SH3GL2: variants seen among roughly 807,000 people sequenced by gnomAD.
SH3GL2 encodes the protein SH3 domain containing GRB2 like 2, endophilin A1.
A neutral mutation model predicts 46.0 loss-of-function variants in SH3GL2; 24 were observed. The observed-to-expected ratio is 0.52, with a 90% CI of 0.38 to 0.73. The LOEUF is 0.73. Among genes scored for constraint, SH3GL2 ranks in the 30% least tolerant of loss-of-function variants. The pLI, the probability that SH3GL2 is intolerant of heterozygous loss-of-function variation, is 0.00. For synonymous variants in SH3GL2, 196 were observed against 147.1 expected, an observed-to-expected ratio of 1.33 and a Z score of -2.40; for missense variants, 413 against 424.2, an observed-to-expected ratio of 0.97 and a Z score of 0.23.
chr9:17,675,165 T>C (rs1264227986), intron 1 of SH3GL2, among the ~76,000 whole-genome samples: 2 of 152,204 alleles, frequency 1.3e-5, no homozygotes, highest in Non-Finnish European at 2.9e-5. Context: ...TATGTCTTAT[T>C]TCCTTCCTTA....
At chr9:17,682,453 A>G (rs1820796801) in intron 1 of SH3GL2, among the ~76,000 whole-genome samples, 1 of 152,080 alleles carries the variant, frequency 6.6e-6, no homozygotes, top group Non-Finnish European at 1.5e-5. Context: ...GCAAACTCAC[A>G]CAGGAACAGA....
chr9:17,760,308 C>T (rs1353072128), intron 2 of SH3GL2, among the ~76,000 whole-genome samples: 2 of 151,916 alleles, frequency 1.3e-5, no homozygotes, highest in Non-Finnish European at 2.9e-5. Context: ...AATATGACTG[C>T]CATGGAATGA....
At chr9:17,721,327 A>T (rs994218609) in intron 1 of SH3GL2, among the ~76,000 whole-genome samples, 1 of 152,132 alleles carries the variant, frequency 6.6e-6, no homozygotes, top group African/African-American at 2.4e-5. Flanking sequence ...ATAAACGAAC[A>T]AAAGGAAATT....
At chr9:17,619,008 G>C (rs746621254) in intron 1 of SH3GL2, among the ~76,000 whole-genome samples, 12 of 152,100 alleles carry the variant, frequency 7.9e-5, no homozygotes, top group Non-Finnish European at 1.5e-4. Context: ...AAAAGTTTAA[G>C]TACAAAAAAG....
At chr9:17,771,362 G>A (rs1823475331) in intron 3 of SH3GL2, among the ~76,000 whole-genome samples, 1 of 152,186 alleles carries the variant, frequency 6.6e-6, no homozygotes, top group African/African-American at 2.4e-5. Context: ...ACACTTAGTA[G>A]GGACTCAAGA....
chr9:17,756,746 TC>T (rs1229240950), intron 2 of SH3GL2, among the ~76,000 whole-genome samples: 1 of 152,092 alleles, frequency 6.6e-6, no homozygotes, highest in Non-Finnish European at 1.5e-5. Flanking sequence ...TTGGGTTGGT[TC>T]CAAGTCTTTG....
intron 1 of SH3GL2, among the ~76,000 whole-genome samples, chr9:17,619,037 A>G (rs1049466941): frequency 5.3e-5 from 8 of 152,302 alleles, no homozygotes; most frequent in South Asian, 2.1e-4. Context: ...TTATCAACCA[A>G]CTGTATGGTA....
At chr9:17,652,560 C>G (rs147343816) in intron 1 of SH3GL2, among the ~76,000 whole-genome samples, 2 of 152,176 alleles carry the variant, frequency 1.3e-5, no homozygotes, top group Admixed American at 6.5e-5. Context: ...AGTGTATTTA[C>G]ATTTTCTCTG....
At chr9:17,672,648 C>A (rs1820502995) in intron 1 of SH3GL2, among the ~76,000 whole-genome samples, 1 of 152,042 alleles carries the variant, frequency 6.6e-6, no homozygotes, top group Non-Finnish European at 1.5e-5. Context: ...CCCCCTTCAC[C>A]CAATACAGAG....
At chr9:17,785,165 C>T (rs1392597008) in intron 3 of SH3GL2, among the ~76,000 whole-genome samples, 2 of 152,176 alleles carry the variant, frequency 1.3e-5, no homozygotes, top group African/African-American at 4.8e-5. Context: ...CTTAAAGATA[C>T]TTCCCTCCAG....
chr9:17,601,000 C>G (rs1027977382), intron 1 of SH3GL2, among the ~76,000 whole-genome samples: 1 of 152,276 alleles, frequency 6.6e-6, no homozygotes, highest in African/African-American at 2.4e-5. Flanking sequence ...AGCTCAGTGA[C>G]AATCACTGTG....
intron 7 of SH3GL2, 44 bp downstream of exon 7, chr9:17,791,378 A>G (rs1479947898): frequency 7.2e-6 from 9 of 1,253,620 alleles, no homozygotes; most frequent in Non-Finnish European, 1.1e-5. Flanking sequence ...TTTTATTGCT[A>G]TAAAATGATG....
intron 1 of SH3GL2, among the ~76,000 whole-genome samples, chr9:17,661,865 A>C (rs895355813): frequency 6.6e-5 from 10 of 152,170 alleles, no homozygotes; most frequent in African/African-American, 2.4e-4. Flanking sequence ...AATGAGCCTC[A>C]CTTTCATTGA....
chr9:17,579,140 A>T lies in SH3GL2; in HGVS notation c.-103A>T. ...TCGCGCCCATAGCCCCGGCGGCGGCACGACCAGAGGCGGCCAGGGGAGCGC... is the reference window on the plus strand; with the variant it reads ...TCGCGCCCATAGCCCCGGCGGCGGCTCGACCAGAGGCGGCCAGGGGAGCGC... On this transcript the variant is annotated 5_prime_UTR_variant, in exon 1 of 9. Coordinates refer to ENST00000380607, the MANE Select transcript of SH3GL2 (RefSeq NM_003026.5). 1.3e-6 allele frequency: 1 copy of T among 747,054 alleles called. No homozygotes were observed. The highest frequency in any genetic ancestry group is 2.0e-6 in the Non-Finnish European group (1 of 505,976). The allele number at this position is 747,054 out of a possible 1,614,324, so 46.3% of individuals were successfully genotyped here.
At chr9:17,646,941 C>T (rs1277262453) in intron 1 of SH3GL2, among the ~76,000 whole-genome samples, 1 of 152,180 alleles carries the variant, frequency 6.6e-6, no homozygotes, top group Non-Finnish European at 1.5e-5. Flanking sequence ...AGCCGGCAGG[C>T]AGAGACGTTT....
In SH3GL2 at chr9:17,579,303, G is replaced by T. The variant is rs1011542628; in HGVS notation, c.45+16G>T. ...AGCCACTCAGGTAAGGCGCGCGGCAGGTGCGTCCCGGGGCAGTCCGGGGCG... is the reference window on the plus strand; with the variant it reads ...AGCCACTCAGGTAAGGCGCGCGGCATGTGCGTCCCGGGGCAGTCCGGGGCG... On this transcript the variant is annotated intron_variant, in intron 1 of 8. Coordinates refer to ENST00000380607, the MANE Select transcript of SH3GL2 (RefSeq NM_003026.5). 7.7e-6 allele frequency: 12 copies of T among 1,551,028 alleles called. No homozygotes were observed. Among genetic ancestry groups the T allele is most frequent in the African/African-American group, 1.4e-5 (1 of 70,322 alleles).
intron 1 of SH3GL2, among the ~76,000 whole-genome samples, chr9:17,600,021 C>T (rs540859401): frequency 1.3e-5 from 2 of 150,074 alleles, no homozygotes; most frequent in Non-Finnish European, 3.0e-5. Context: ...TATTTAAATT[C>T]TTATAACACT....
intron 1 of SH3GL2, among the ~76,000 whole-genome samples, chr9:17,660,213 G>A (rs187227776): frequency 1.3e-3 from 190 of 146,104 alleles, no homozygotes; most frequent in African/African-American, 5.1e-3. Context: ...ATTTGAAATA[G>A]TTTCTAACAC....
At chr9:17,794,320 C>G (rs1457995915) in intron 8 of SH3GL2, among the ~76,000 whole-genome samples, 1 of 152,006 alleles carries the variant, frequency 6.6e-6, no homozygotes, top group African/African-American at 2.4e-5. Context: ...TTCCTGTATC[C>G]CCAGTGCTTG....
Sources: allele counts gnomAD v4.1 joint callset (sites outside exome capture counted in the v4.1 genomes callset), GRCh38; gene constraint gnomAD v4.1.1; transcripts MANE v1.5; gene names NCBI Gene and HGNC (gene_info 2026-07-23, HGNC 2026-07-21).